GAREM1: variants seen among roughly 807,000 people sequenced by gnomAD.
GAREM1 encodes the protein GRB2-associated and regulator of MAPK protein 1.
GAREM1 carries 26 observed loss-of-function variants against 71.3 expected under a neutral mutation model. That is an observed-to-expected ratio of 0.36 (90% CI 0.27 to 0.51). The LOEUF (loss-of-function observed/expected upper bound fraction) is 0.51, where lower values mean the gene tolerates loss of function less well. GAREM1 is among the 20% of genes least tolerant of loss of function. GAREM1 has a pLI of 0.95. For missense variants in GAREM1, 1,026 were observed against 1,103.1 expected, an observed-to-expected ratio of 0.93 and a Z score of 0.99; for synonymous variants, 440 against 433.2, an observed-to-expected ratio of 1.02 and a Z score of -0.20.
At chr18:32,404,673 G>A (rs1373061254) in intron 1 of GAREM1, among the ~76,000 whole-genome samples, 3 of 152,118 alleles carry the variant, frequency 2.0e-5, no homozygotes, top group South Asian at 2.1e-4. Flanking sequence ...TTTCAACTCC[G>A]AAATACCTAA....
At chr18:32,425,975 ACTACTCTT>A (rs906493663) in intron 1 of GAREM1, among the ~76,000 whole-genome samples, 14 of 151,746 alleles carry the variant, frequency 9.2e-5, no homozygotes, top group African/African-American at 2.4e-4. Flanking sequence ...GACTATTTCT[ACTACTCTT>A]CTCTGAATTT....
chr18:32,318,846 A>C (rs2047404875), intron 2 of GAREM1, among the ~76,000 whole-genome samples: 2 of 152,192 alleles, frequency 1.3e-5, no homozygotes, highest in South Asian at 4.1e-4. Context: ...CATGACTGGG[A>C]GCAGAAAAAT....
rs1438562711 is a variant in GAREM1 at position 32,265,496 on chromosome 18, C to T, written c.*2375G>A. On this transcript the variant is annotated 3_prime_UTR_variant, in exon 6 of 6. Transcript: ENST00000269209. ...TAGCAACTGAGATTTCAAATATAAACAATATGATCTCCAAGAGGGCAGGGG... is the reference window on the plus strand; with the variant it reads ...TAGCAACTGAGATTTCAAATATAAATAATATGATCTCCAAGAGGGCAGGGG... 2 of 152,118 alleles carry T rather than the reference C, an allele frequency of 1.3e-5. No homozygotes were observed. The highest frequency in any genetic ancestry group is 4.8e-5 in the African/African-American group (2 of 41,424). The allele number at this position is 152,118 out of a possible 1,614,324, so 9.4% of individuals were successfully genotyped here. A position where few individuals can be genotyped will look rare whatever the true frequency, so the allele number is the denominator to read the frequency against.
At chr18:32,410,155 C>G (rs569711210) in intron 1 of GAREM1, among the ~76,000 whole-genome samples, 1 of 152,262 alleles carries the variant, frequency 6.6e-6, no homozygotes, top group South Asian at 2.1e-4. Context: ...TCATCTCAAG[C>G]TCTACTAGAC....
intron 2 of GAREM1, among the ~76,000 whole-genome samples, chr18:32,378,131 G>T (rs936708532): frequency 6.6e-6 from 1 of 151,736 alleles, no homozygotes; most frequent in Non-Finnish European, 1.5e-5. Flanking sequence ...CTGTAGTTCA[G>T]TTTAAATCTC....
chr18:32,467,873 T>A (rs955894350), intron 1 of GAREM1, among the ~76,000 whole-genome samples: 1 of 152,174 alleles, frequency 6.6e-6, no homozygotes, highest in African/African-American at 2.4e-5. Flanking sequence ...ATAACATTTA[T>A]AAATATACCA....
chr18:32,308,789 T>C (rs1035397270), intron 3 of GAREM1, among the ~76,000 whole-genome samples: 12 of 150,416 alleles, frequency 8.0e-5, no homozygotes, highest in African/African-American at 3.0e-4. Context: ...TTACAAAATA[T>C]AAAATATCAC....
chr18:32,364,642 T>C (rs1342658977), intron 2 of GAREM1, among the ~76,000 whole-genome samples: 2 of 152,230 alleles, frequency 1.3e-5, no homozygotes, highest in Non-Finnish European at 2.9e-5. Flanking sequence ...AAGTCTGATG[T>C]GCCAGTGTTA....
chr18:32,418,806 T>C (rs2048491015), intron 1 of GAREM1, among the ~76,000 whole-genome samples: 3 of 152,160 alleles, frequency 2.0e-5, no homozygotes, highest in Admixed American at 6.5e-5. Flanking sequence ...GCTTGAGAGA[T>C]GCTAACACTG....
intron 2 of GAREM1, among the ~76,000 whole-genome samples, chr18:32,385,017 A>G (rs540909730): frequency 1.3e-5 from 2 of 152,272 alleles, no homozygotes; most frequent in African/African-American, 2.4e-5. Context: ...TGGTAGAGAC[A>G]ATTTCCTAGA....
chr18:32,348,583 G>T (rs975888144), intron 2 of GAREM1, among the ~76,000 whole-genome samples: 1 of 152,058 alleles, frequency 6.6e-6, no homozygotes, highest in East Asian at 1.9e-4. Flanking sequence ...AATTAGCTGG[G>T]CGTGGTGGTG....
chr18:32,436,354 T>C (rs2048678385), intron 1 of GAREM1, among the ~76,000 whole-genome samples: 1 of 152,168 alleles, frequency 6.6e-6, no homozygotes, highest in African/African-American at 2.4e-5. Flanking sequence ...ATTTTAGCTC[T>C]AGTTTACCAG....
At chr18:32,394,971 G>C (rs1453822691) in intron 1 of GAREM1, among the ~76,000 whole-genome samples, 2 of 152,166 alleles carry the variant, frequency 1.3e-5, no homozygotes, top group African/African-American at 4.8e-5. Context: ...GTTCTAGCAG[G>C]TATTAGCAGT....
At chr18:32,274,533 C>G (rs2041511552) in intron 4 of GAREM1, among the ~76,000 whole-genome samples, 1 of 152,262 alleles carries the variant, frequency 6.6e-6, no homozygotes. Flanking sequence ...CCCTCTGATT[C>G]CTGGATAAAG....
At chr18:32,270,461 C>T (rs1427747098) in intron 4 of GAREM1, 78 bp from the exon 5 acceptor site, 7 of 1,271,714 alleles carry the variant, frequency 5.5e-6, no homozygotes, top group Non-Finnish European at 7.6e-6. Context: ...TGAAGACTTG[C>T]TCAAGTCACA....
chr18:32,310,160 A>C, intron 3 of GAREM1, 33 bp downstream of exon 3: 1 of 1,609,008 alleles, frequency 6.2e-7, no homozygotes, highest in South Asian at 1.1e-5. Flanking sequence ...ATCTTTAGTG[A>C]GTATAAATAT....
rs781259603 is a variant in GAREM1, at chr18:32,267,901, T to C, written c.2601A>G (p.Gln867=). Residue 867 remains glutamine, a synonymous_variant, in exon 6 of 6, where the codon CAA becomes CAG. Coordinates refer to ENST00000269209, the MANE Select transcript of GAREM1 (RefSeq NM_001242409.2). ...LSKLQVKKIM[Q]FINGWRPKI ...TTTTGGGCCTCCAGCCATTAATGAA[T>C]TGCATTATCTTCTTCACCTGCAATT... 5.0e-6 allele frequency: 8 copies of C among 1,612,724 alleles called. No individual in the cohort carries two copies. The highest frequency in any genetic ancestry group is 5.9e-6 in the Non-Finnish European group (7 of 1,178,946).
At chr18:32,360,430 C>G (rs1276916567) in intron 2 of GAREM1, among the ~76,000 whole-genome samples, 1 of 152,092 alleles carries the variant, frequency 6.6e-6, no homozygotes, top group African/African-American at 2.4e-5. Flanking sequence ...CACTAAAATT[C>G]AGATGGAAGT....
chr18:32,326,490 T>G (rs1220295578), intron 2 of GAREM1, among the ~76,000 whole-genome samples: 1 of 152,214 alleles, frequency 6.6e-6, no homozygotes, highest in Non-Finnish European at 1.5e-5. Context: ...TAAGTCTTTT[T>G]CTTTTAATTA....
Sources: allele counts gnomAD v4.1 joint callset (sites outside exome capture counted in the v4.1 genomes callset), GRCh38; gene constraint gnomAD v4.1.1; transcripts MANE v1.5; gene names NCBI Gene and HGNC (gene_info 2026-07-23, HGNC 2026-07-21).